Variants in GAS7 observed in about 807,000 individuals in gnomAD.
GAS7 encodes growth arrest specific 7, also known as growth arrest-specific protein 7.
Under a neutral mutation model 71.1 loss-of-function variants are expected in GAS7, and 28 were observed. The observed-to-expected ratio is 0.39, with a 90% confidence interval of 0.29 to 0.54. The LOEUF (loss-of-function observed/expected upper bound fraction) is 0.54. Ranked by LOEUF, GAS7 falls within the 20% of genes least tolerant of loss-of-function variation. The pLI, the probability that GAS7 is intolerant of heterozygous loss-of-function variation, is 0.62. For missense variants in GAS7, 436 were observed against 627.8 expected, an observed-to-expected ratio of 0.69 and a Z score of 3.27; for synonymous variants, 258 against 245.8, an observed-to-expected ratio of 1.05 and a Z score of -0.46.
At chr17:10,095,290 T>C (rs1459957268) in intron 1 of GAS7, among the ~76,000 whole-genome samples, 1 of 152,196 alleles carries the variant, frequency 6.6e-6, no homozygotes, top group Non-Finnish European at 1.5e-5. Flanking sequence ...TGTAGCATAA[T>C]AAAGTAAACT....
chr17:9,959,013 A>C lies in GAS7; in HGVS notation c.525+189T>G. ...CACCAGGAGAGAAGTGAAATGTGAA[A>C]TTGACAGGAGAAGGGGAGGTGGGAG... is the stretch of plus-strand genomic sequence containing the variant. On this transcript the variant is annotated intron_variant, in intron 5 of 13. Coordinates refer to ENST00000432992, the MANE Select transcript of GAS7 (RefSeq NM_201433.2). This position sits in a 1 kb window ranked among gnomAD's most constrained non-coding sequence, Gnocchi z 5.0. 1 of 1,416,088 alleles carries C rather than the reference A, an allele frequency of 7.1e-7. No individual in the cohort carries two copies. The highest frequency in any genetic ancestry group is 9.2e-7 in the Non-Finnish European group (1 of 1,084,046). The allele number at this position is 1,416,088 out of a possible 1,614,324, so 87.7% of individuals were successfully genotyped here. A position where few individuals can be genotyped will look rare whatever the true frequency, so the allele number is the denominator to read the frequency against.
At chr17:10,044,188 C>T (rs1054198725) in intron 1 of GAS7, among the ~76,000 whole-genome samples, 2 of 152,158 alleles carry the variant, frequency 1.3e-5, no homozygotes, top group Non-Finnish European at 2.9e-5. Flanking sequence ...TGGTGTTATT[C>T]GAGGCTTATG....
At chr17:10,140,768 T>G (rs762173669) in intron 1 of GAS7, among the ~76,000 whole-genome samples, 4 of 152,140 alleles carry the variant, frequency 2.6e-5, no homozygotes, top group Non-Finnish European at 5.9e-5. Context: ...AAGCTGGAGA[T>G]GGAATGCTGA....
intron 6 of GAS7, 25 bp from the exon 7 acceptor site, chr17:9,943,261 AGTTTAGGGCAC>A (rs1366499048): frequency 7.6e-7 from 1 of 1,322,694 alleles, no homozygotes; most frequent in Non-Finnish European, 1.1e-6. Context: ...GAAGCACAAG[AGTTTAGGGCAC>A]GTCTGAGTCT....
chr17:10,002,607 G>A lies in GAS7; in HGVS notation c.304+17170C>T, dbSNP rs150231928. 7.4e-3 allele frequency among the ~76,000 whole-genome samples: 1,130 copies of A among 151,942 alleles called. 20 individuals carry two copies. Among genetic ancestry groups the A allele is most frequent in the African/African-American group, 0.026 (1,085 of 41,396 alleles). Reference sequence around the variant, plus strand: ...CCGGGTGTGTGATGTTCCCCTCCCTGTGTCCAAGTGTTCTCATTGTTCAAT... The same window carrying A: ...CCGGGTGTGTGATGTTCCCCTCCCTATGTCCAAGTGTTCTCATTGTTCAAT... On this transcript the variant is annotated intron_variant, in intron 2 of 13. Coordinates refer to ENST00000432992, the MANE Select transcript of GAS7 (RefSeq NM_201433.2).
At chr17:10,028,159 T>C (rs941791752) in intron 1 of GAS7, among the ~76,000 whole-genome samples, 5 of 152,210 alleles carry the variant, frequency 3.3e-5, no homozygotes, top group African/African-American at 1.2e-4. Context: ...CACCTTGGCC[T>C]CCTAAAGTGC....
chr17:10,129,254 C>T (rs2073977563), intron 1 of GAS7, among the ~76,000 whole-genome samples: 1 of 152,184 alleles, frequency 6.6e-6, no homozygotes, highest in Admixed American at 6.5e-5. Context: ...ACACTCTTGG[C>T]CAGGCACCAT....
chr17:10,046,987 T>G (rs2072985003), intron 1 of GAS7, among the ~76,000 whole-genome samples: 1 of 152,074 alleles, frequency 6.6e-6, no homozygotes, highest in Non-Finnish European at 1.5e-5. Flanking sequence ...CTGCACTTCA[T>G]GCCTCTGCCA....
Position 9,917,185 on chromosome 17 carries a change from G to T in GAS7, c.*43C>A. 1 of 1,188,250 alleles carries T rather than the reference G, an allele frequency of 8.4e-7. No individual in the cohort carries two copies. Among genetic ancestry groups the T allele is most frequent in the Non-Finnish European group, 1.3e-6 (1 of 791,764 alleles). 73.6% of individuals were successfully genotyped at this position (1,188,250 alleles called of 1,614,324 possible). On this transcript the variant is annotated 3_prime_UTR_variant, in exon 14 of 14. Coordinates refer to ENST00000432992, the MANE Select transcript of GAS7 (RefSeq NM_201433.2). ...GCATGGGCCCCATGGTGGGAGCCCA[G>T]CCCCCCTCCCCAGCAGGACCCCCCG...
intron 1 of GAS7, among the ~76,000 whole-genome samples, chr17:10,129,889 T>C (rs2073982317): frequency 6.6e-6 from 1 of 152,032 alleles, no homozygotes; most frequent in Non-Finnish European, 1.5e-5. Flanking sequence ...AGAAGATACA[T>C]GAGGCAGGGC....
chr17:9,990,754 T>C (rs1350812001), intron 2 of GAS7, among the ~76,000 whole-genome samples: 7 of 152,108 alleles, frequency 4.6e-5, no homozygotes, highest in African/African-American at 1.2e-4. Context: ...GGGGGCCAGA[T>C]TGGATCATCC....
chr17:9,949,429 C>T (rs1800308893), intron 5 of GAS7, among the ~76,000 whole-genome samples: 1 of 152,210 alleles, frequency 6.6e-6, no homozygotes, highest in South Asian at 2.1e-4. Context: ...CCAACAAACT[C>T]TTCTGTCAGC....
chr17:9,934,359 C>T (rs1433493580), intron 8 of GAS7, 115 bp from the exon 9 acceptor site: 13 of 710,564 alleles, frequency 1.8e-5, no homozygotes, highest in African/African-American at 3.5e-5. Flanking sequence ...AATGTGGACG[C>T]GGATGAGGCA....
intron 1 of GAS7, among the ~76,000 whole-genome samples, chr17:10,062,378 A>T (rs1189170767): frequency 6.6e-6 from 1 of 152,210 alleles, no homozygotes; most frequent in African/African-American, 2.4e-5. Flanking sequence ...TCGACAACTC[A>T]GGAGGCTGAG....
At chr17:10,117,903 G>GA (rs1284704071) in intron 1 of GAS7, among the ~76,000 whole-genome samples, 1 of 151,870 alleles carries the variant, frequency 6.6e-6, no homozygotes, top group Admixed American at 6.6e-5. Flanking sequence ...TGGAATGTGA[G>GA]AAAAAAAGGG....
intron 1 of GAS7, among the ~76,000 whole-genome samples, chr17:10,107,886 G>A (rs56785800): frequency 7.1e-6 from 1 of 140,096 alleles, no homozygotes; most frequent in Admixed American, 7.2e-5. Context: ...ACTGGGCAGG[G>A]GAACTGCCTT....
chr17:10,056,230 T>TGGC (rs2073134708), intron 1 of GAS7, among the ~76,000 whole-genome samples: 1 of 151,994 alleles, frequency 6.6e-6, no homozygotes, highest in Non-Finnish European at 1.5e-5. Context: ...CATGGTGGTG[T>TGGC]GTGCCTGTAG....
At chr17:10,188,709 G>T (rs2074475482) in intron 1 of GAS7, among the ~76,000 whole-genome samples, 1 of 152,120 alleles carries the variant, frequency 6.6e-6, no homozygotes, top group African/African-American at 2.4e-5. Flanking sequence ...TGCAGTCTTG[G>T]CTCACTGCAG....
At position 9,975,390 on chromosome 17, in the gene GAS7, G is replaced by A. The variant is rs191875458; in HGVS notation, c.386-5628C>T. Among the ~76,000 whole-genome samples, 27 of 152,006 alleles carry A rather than the reference G, an allele frequency of 1.8e-4. No individual in the cohort carries two copies. In the South Asian group the frequency reaches 3.7e-3, roughly 21 times the overall value. The stretch of plus-strand genomic sequence containing the variant: ...AAAAAAAACAAAGTTGAGGAACCCC[G>A]GAGTGCTGAAGCCCTGGTTCTTGAA... On this transcript the variant is annotated intron_variant, in intron 3 of 13. Coordinates refer to ENST00000432992, the MANE Select transcript of GAS7 (RefSeq NM_201433.2).
Sources: gnomAD v4.1 joint callset for allele counts (sites outside exome capture counted in the v4.1 genomes callset) on GRCh38, gnomAD v4.1.1 for gene constraint, Gnocchi (gnomAD v3.1) non-coding constraint, MANE v1.5 for transcripts, NCBI Gene and HGNC (gene_info 2026-07-23, HGNC 2026-07-21) for gene names.